Variants in NRG3 observed in about 807,000 individuals in gnomAD.
NRG3 encodes pro-neuregulin-3, membrane-bound isoform.
A neutral mutation model predicts 66.9 loss-of-function variants in NRG3; 31 were observed. The observed-to-expected ratio is 0.46, with a 90% CI of 0.35 to 0.63. The LOEUF (loss-of-function observed/expected upper bound fraction) is 0.63. Ranked by LOEUF, NRG3 falls within the 20% of genes least tolerant of loss-of-function variation. The pLI, the probability that NRG3 is intolerant of heterozygous loss-of-function variation, is 0.00. For synonymous variants in NRG3, 393 were observed against 359.4 expected (o/e 1.09, Z -1.06); for missense variants, 910 against 878.9 (o/e 1.04, Z -0.45).
chr10:82,373,051 A>G (rs2084990423), intron 2 of NRG3, among the ~76,000 whole-genome samples: 2 of 152,218 alleles, frequency 1.3e-5, no homozygotes, highest in African/African-American at 4.8e-5. Flanking sequence ...ATGTTCTACA[A>G]TTCCCTAGGT....
chr10:82,155,083 A>T (rs1268783616), intron 1 of NRG3, among the ~76,000 whole-genome samples: 1 of 151,926 alleles, frequency 6.6e-6, no homozygotes, highest in East Asian at 1.9e-4. Flanking sequence ...ACTTTGTAAG[A>T]TAAATTTAGT....
At chr10:82,973,005 C>T (rs1004046804) in intron 6 of NRG3, among the ~76,000 whole-genome samples, 1 of 152,180 alleles carries the variant, frequency 6.6e-6, no homozygotes, top group African/African-American at 2.4e-5. Flanking sequence ...CCTTAAACTT[C>T]TATTTCTAAA....
chr10:81,926,107 C>CTTTATTTA lies in NRG3; in HGVS notation c.823+49959_823+49966dup, dbSNP rs534764745. On this transcript the variant is annotated intron_variant, in intron 1 of 8. Coordinates refer to ENST00000372141, the MANE Select transcript of NRG3 (RefSeq NM_001010848.4). ...TGTAGAAGCAAGGGCCATATTGCTA[C>CTTTATTTA]TTTATTTATTTATTTATTTATTATT... Among the ~76,000 whole-genome samples the CTTTATTTA allele has an allele frequency of 3.1e-3, 472 of 151,930 alleles. 3 individuals carry two copies. The highest frequency in any genetic ancestry group is 0.011 in the African/African-American group (436 of 41,412).
intron 4 of NRG3, among the ~76,000 whole-genome samples, chr10:82,875,326 T>A (rs1841712931): frequency 6.6e-6 from 1 of 152,188 alleles, no homozygotes; most frequent in Admixed American, 6.5e-5. Context: ...GTTTTCTCAT[T>A]TATTTTATTT....
chr10:82,633,256 A>G (rs1242336659), intron 2 of NRG3, among the ~76,000 whole-genome samples: 1 of 152,202 alleles, frequency 6.6e-6, no homozygotes, highest in Non-Finnish European at 1.5e-5. Context: ...TGGGAAAGTA[A>G]GTACCTGGCA....
At chr10:82,189,517 C>A (rs931497826) in intron 1 of NRG3, among the ~76,000 whole-genome samples, 25 of 151,860 alleles carry the variant, frequency 1.6e-4, no homozygotes, top group African/African-American at 6.0e-4. Context: ...TTGGGCTGGG[C>A]GTGATGGCTC....
intron 1 of NRG3, among the ~76,000 whole-genome samples, chr10:82,280,370 A>G (rs913249513): frequency 1.3e-5 from 2 of 152,156 alleles, no homozygotes; most frequent in Admixed American, 1.3e-4. Context: ...CCTTTTGACA[A>G]ATGTGATGGA....
chr10:82,265,803 A>C (rs898408038), intron 1 of NRG3, among the ~76,000 whole-genome samples: 3 of 152,194 alleles, frequency 2.0e-5, no homozygotes, highest in African/African-American at 7.2e-5. Flanking sequence ...GGAAACCAGA[A>C]GCATTCATTG....
chr10:81,975,310 G>A (rs1474004542), intron 1 of NRG3, among the ~76,000 whole-genome samples: 2 of 149,502 alleles, frequency 1.3e-5, no homozygotes, highest in Non-Finnish European at 3.0e-5. Context: ...ATACAATTGT[G>A]TAACATCTAT....
Position 82,168,005 on chromosome 10 carries a change from C to A in NRG3, c.824-190734C>A, listed in dbSNP as rs901394748. Among the ~76,000 whole-genome samples the A allele has an allele frequency of 8.6e-5, 13 of 151,752 alleles. No individual in the cohort carries two copies. In the South Asian group the frequency reaches 2.7e-3, roughly 32 times the overall value. ...TAAGATTTTTTAAAGGAAAAAAAAACCCTTGGAAAACTAAGAATTATGTTT... is the reference window on the plus strand; with the variant it reads ...TAAGATTTTTTAAAGGAAAAAAAAAACCTTGGAAAACTAAGAATTATGTTT... On this transcript the variant is annotated intron_variant, in intron 1 of 8. Transcript: ENST00000372141.
intron 1 of NRG3, among the ~76,000 whole-genome samples, chr10:82,017,759 A>G (rs1379988090): frequency 5.3e-5 from 8 of 152,136 alleles, no homozygotes; most frequent in Non-Finnish European, 7.3e-5. Context: ...GTCTGTTCAT[A>G]TCCTTCGCCC....
chr10:82,888,670 G>A (rs1842911516), intron 4 of NRG3, among the ~76,000 whole-genome samples: 2 of 152,120 alleles, frequency 1.3e-5, no homozygotes, highest in Non-Finnish European at 2.9e-5. Context: ...CCCTTGTGGA[G>A]CTAATATTCT....
At chr10:81,909,280 C>T (rs1844890825) in intron 1 of NRG3, among the ~76,000 whole-genome samples, 1 of 152,164 alleles carries the variant, frequency 6.6e-6, no homozygotes, top group Admixed American at 6.5e-5. Flanking sequence ...AAGGCCCATT[C>T]TACTCCAGTC....
At chr10:82,656,848 C>G (rs1220866175) in intron 2 of NRG3, among the ~76,000 whole-genome samples, 2 of 152,110 alleles carry the variant, frequency 1.3e-5, no homozygotes, top group African/African-American at 2.4e-5. Context: ...AATAAAAGAT[C>G]TCTTTAAAAC....
chr10:82,842,144 G>A (rs1418001933), intron 3 of NRG3, among the ~76,000 whole-genome samples: 1 of 152,118 alleles, frequency 6.6e-6, no homozygotes, highest in Non-Finnish European at 1.5e-5. Context: ...CCAGCTACTT[G>A]GGAGGTTGAG....
chr10:82,808,330 T>A (rs967534007), intron 3 of NRG3, among the ~76,000 whole-genome samples: 1 of 152,298 alleles, frequency 6.6e-6, no homozygotes. Context: ...ATCTGAATGA[T>A]ACATTGAGAT....
intron 1 of NRG3, among the ~76,000 whole-genome samples, chr10:82,282,934 C>G (rs191079736): frequency 3.6e-4 from 55 of 152,124 alleles, no homozygotes; most frequent in Non-Finnish European, 6.6e-4. Context: ...CCGATCCTGG[C>G]CCCGGTGTTT....
intron 2 of NRG3, among the ~76,000 whole-genome samples, chr10:82,643,622 A>G (rs923384411): frequency 1.3e-5 from 2 of 152,102 alleles, no homozygotes; most frequent in Admixed American, 1.3e-4. Flanking sequence ...AACTTGATCT[A>G]GAATTTTTGT....
At chr10:82,466,187 C>G (rs1010927021) in intron 2 of NRG3, among the ~76,000 whole-genome samples, 3 of 151,018 alleles carry the variant, frequency 2.0e-5, no homozygotes, top group East Asian at 3.9e-4. Flanking sequence ...CTCCTCCAAC[C>G]TCTGTCTCTT....
Sources: gnomAD v4.1 joint callset for allele counts (sites outside exome capture counted in the v4.1 genomes callset) on GRCh38, gnomAD v4.1.1 for gene constraint, MANE v1.5 for transcripts, NCBI Gene and HGNC (gene_info 2026-07-23, HGNC 2026-07-21) for gene names.